SPON1: variants seen among roughly 807,000 people sequenced by gnomAD.
SPON1 encodes the protein spondin-1.
Under a neutral mutation model 111.7 loss-of-function variants are expected in SPON1, and 52 were observed. That is an observed-to-expected ratio of 0.47 (90% CI 0.37 to 0.59). The LOEUF is 0.59. Among genes scored for constraint, SPON1 ranks in the 20% least tolerant of loss-of-function variants. SPON1 has a pLI of 0.00. For missense variants in SPON1, 957 were observed against 1,068.5 expected (o/e 0.90, Z 1.46); for synonymous variants, 410 against 395.8 (o/e 1.04, Z -0.43).
intron 15 of SPON1, 68 bp from the exon 16 acceptor site, chr11:14,265,456 T>A (rs1242850717): frequency 3.3e-5 from 50 of 1,515,892 alleles, no homozygotes; most frequent in Non-Finnish European, 4.4e-5. Context: ...TTCACAGTTC[T>A]ACTAGAGTTC....
chr11:14,078,207 AT>A (rs1848933549), intron 4 of SPON1, among the ~76,000 whole-genome samples: 1 of 152,146 alleles, frequency 6.6e-6, no homozygotes, highest in Non-Finnish European at 1.5e-5. Context: ...TTAAAAATGT[AT>A]TTTTCAAATG....
At chr11:14,015,404 A>AGGTCACTAATCCCATTTATG (rs1554914197) in intron 2 of SPON1, among the ~76,000 whole-genome samples, 1 of 152,172 alleles carries the variant, frequency 6.6e-6, no homozygotes, top group Non-Finnish European at 1.5e-5. Flanking sequence ...GACCTTTATA[A>AGGTCACTAATCCCATTTATG]GGTCACTAAT....
At chr11:14,025,599 G>A (rs1848511744) in intron 2 of SPON1, among the ~76,000 whole-genome samples, 1 of 152,192 alleles carries the variant, frequency 6.6e-6, no homozygotes, top group Non-Finnish European at 1.5e-5. Flanking sequence ...AAACCTTCCA[G>A]GTGGTTCTTA....
At chr11:14,236,690 C>T (rs115121868) in intron 6 of SPON1, among the ~76,000 whole-genome samples, 21 of 152,144 alleles carry the variant, frequency 1.4e-4, no homozygotes, top group South Asian at 6.2e-4. Flanking sequence ...TAGGAGTCAG[C>T]GAGGGAGACT....
intron 15 of SPON1, among the ~76,000 whole-genome samples, chr11:14,264,545 T>C (rs954074537): frequency 6.6e-6 from 1 of 152,252 alleles, no homozygotes; most frequent in Non-Finnish European, 1.5e-5. Context: ...ATCTCCTTGA[T>C]GGTTCAGGAT....
Position 14,132,150 on chromosome 11 carries a change from C to T in SPON1, c.677-3270C>T, listed in dbSNP as rs111383701. On this transcript the variant is annotated intron_variant, in intron 5 of 15. Coordinates refer to ENST00000576479, the MANE Select transcript of SPON1 (RefSeq NM_006108.4). ...AAAATTAGCTGGGCGTGGTGGCGGA[C>T]GCCTGTAATCCCAGCTACTAGGGAG... Among the ~76,000 whole-genome samples the T allele has an allele frequency of 8.4e-3, 1,283 of 152,108 alleles. 24 individuals are homozygous for T. The highest frequency in any genetic ancestry group is 0.029 in the African/African-American group (1,210 of 41,494).
At chr11:13,985,149 C>T (rs1848172638) in intron 2 of SPON1, among the ~76,000 whole-genome samples, 1 of 152,196 alleles carries the variant, frequency 6.6e-6, no homozygotes, top group Non-Finnish European at 1.5e-5. Context: ...GATGCATGCT[C>T]AGATTTGGGA....
At chr11:13,997,046 G>A (rs1471074741) in intron 2 of SPON1, among the ~76,000 whole-genome samples, 1 of 152,008 alleles carries the variant, frequency 6.6e-6, no homozygotes, top group Non-Finnish European at 1.5e-5. Context: ...AAAGTTTTAT[G>A]CATCTGTATT....
chr11:14,008,009 C>A lies in SPON1; in HGVS notation c.345+25056C>A, dbSNP rs559600877. Among the ~76,000 whole-genome samples the A allele has an allele frequency of 7.2e-5, 11 of 152,298 alleles. No individual in the cohort carries two copies. In the East Asian group the frequency reaches 1.2e-3, roughly 16 times the overall value. ...CTCAAGATCCTTAAATAAATCATATCTTTTGCCATATAAGGTACTATTCAC... is the reference window on the plus strand; with the variant it reads ...CTCAAGATCCTTAAATAAATCATATATTTTGCCATATAAGGTACTATTCAC... On this transcript the variant is annotated intron_variant, in intron 2 of 15. Coordinates refer to ENST00000576479, the MANE Select transcript of SPON1 (RefSeq NM_006108.4).
chr11:14,112,732 G>T (rs1213921508), intron 5 of SPON1, among the ~76,000 whole-genome samples: 1 of 152,172 alleles, frequency 6.6e-6, no homozygotes, highest in African/African-American at 2.4e-5. Context: ...CTGCTATCCA[G>T]CTGACTCTGT....
intron 2 of SPON1, among the ~76,000 whole-genome samples, chr11:13,986,817 G>T (rs1374012112): frequency 6.6e-6 from 1 of 151,934 alleles, no homozygotes; most frequent in Non-Finnish European, 1.5e-5. Context: ...TGCGGTGTTT[G>T]GTTTTCTGTT....
chr11:13,988,759 G>C (rs12279004), intron 2 of SPON1, among the ~76,000 whole-genome samples: 3 of 152,004 alleles, frequency 2.0e-5, no homozygotes, highest in Admixed American at 6.6e-5. Context: ...TAGCATGAAG[G>C]GGTGTTGAAT....
intron 10 of SPON1, 110 bp downstream of exon 10, chr11:14,256,802 A>G: frequency 2.5e-6 from 2 of 807,698 alleles, no homozygotes; most frequent in Non-Finnish European, 4.1e-6. Flanking sequence ...TTGACTTGGT[A>G]ATCATATCTC....
intron 6 of SPON1, among the ~76,000 whole-genome samples, chr11:14,218,651 A>G (rs1848650022): frequency 6.6e-6 from 1 of 152,170 alleles, no homozygotes; most frequent in African/African-American, 2.4e-5. Flanking sequence ...ACAAGTAGGC[A>G]ACGGGATTGC....
chr11:14,086,024 C>T (rs1292368727), intron 5 of SPON1, among the ~76,000 whole-genome samples: 1 of 152,088 alleles, frequency 6.6e-6, no homozygotes, highest in African/African-American at 2.4e-5. Context: ...GCTGAAGTTG[C>T]TTATCAGCTT....
intron 14 of SPON1, among the ~76,000 whole-genome samples, chr11:14,262,144 G>C (rs1335029320): frequency 6.6e-6 from 1 of 152,188 alleles, no homozygotes; most frequent in African/African-American, 2.4e-5. Flanking sequence ...CTTCTCTACT[G>C]AATGTCCCAT....
intron 6 of SPON1, among the ~76,000 whole-genome samples, chr11:14,157,115 C>A (rs576031866): frequency 6.6e-5 from 10 of 152,112 alleles, no homozygotes; most frequent in Non-Finnish European, 1.5e-4. Context: ...TTTGCCCAGT[C>A]AAAATTCATT....
intron 5 of SPON1, among the ~76,000 whole-genome samples, chr11:14,122,053 G>C (rs1209458160): frequency 6.6e-6 from 1 of 151,840 alleles, no homozygotes; most frequent in African/African-American, 2.4e-5. Flanking sequence ...ATTATGATGT[G>C]CTTAGGCATC....
At chr11:14,256,180 G>C (rs1295947016) in intron 9 of SPON1, among the ~76,000 whole-genome samples, 1 of 152,238 alleles carries the variant, frequency 6.6e-6, no homozygotes, top group Non-Finnish European at 1.5e-5. Context: ...CCTGGAGGTG[G>C]AGGTTACAGT....
Sources: gnomAD v4.1 joint callset for allele counts (sites outside exome capture counted in the v4.1 genomes callset) on GRCh38, gnomAD v4.1.1 for gene constraint, MANE v1.5 for transcripts, NCBI Gene and HGNC (gene_info 2026-07-23, HGNC 2026-07-21) for gene names.